The following SPOCK3 variants were observed in gnomAD, a reference collection of about 807,000 sequenced individuals.
The protein encoded by SPOCK3 is SPARC (osteonectin), cwcv and kazal like domains proteoglycan 3.
In SPOCK3, 30 loss-of-function variants were observed where a neutral mutation model predicts 56.6. The observed-to-expected ratio is 0.53, with a 90% confidence interval of 0.40 to 0.72. The LOEUF is 0.72. Among genes scored for constraint, SPOCK3 ranks in the 30% least tolerant of loss-of-function variants. SPOCK3 has a pLI of 0.00. For synonymous variants in SPOCK3, 196 were observed against 183.3 expected (o/e 1.07, Z -0.56); for missense variants, 527 against 530.0 (o/e 0.99, Z 0.06).
intron 4 of SPOCK3, among the ~76,000 whole-genome samples, chr4:166,988,396 A>T (rs1747397811): frequency 2.6e-5 from 4 of 152,138 alleles, no homozygotes. Flanking sequence ...GAAGATAGCA[A>T]TATATACAGC....
At chr4:166,871,645 A>T (rs1047195979) in intron 6 of SPOCK3, among the ~76,000 whole-genome samples, 1 of 151,910 alleles carries the variant, frequency 6.6e-6, no homozygotes, top group Non-Finnish European at 1.5e-5. Flanking sequence ...ACAATTACAA[A>T]TTCTGCACAA....
chr4:167,046,106 T>C (rs898748427), intron 3 of SPOCK3, among the ~76,000 whole-genome samples: 2 of 152,194 alleles, frequency 1.3e-5, no homozygotes, highest in Admixed American at 1.3e-4. Flanking sequence ...TTGTTTTTTT[T>C]ACCCCCTTTC....
At chr4:167,068,643 C>T (rs1273491760) in intron 2 of SPOCK3, among the ~76,000 whole-genome samples, 1 of 151,682 alleles carries the variant, frequency 6.6e-6, no homozygotes, top group African/African-American at 2.4e-5. Flanking sequence ...CTTCTGATGC[C>T]AAATGCATAT....
intron 2 of SPOCK3, among the ~76,000 whole-genome samples, chr4:167,078,941 T>C (rs1395795692): frequency 6.6e-6 from 1 of 151,898 alleles, no homozygotes; most frequent in Non-Finnish European, 1.5e-5. Flanking sequence ...TTGTACTCAA[T>C]ACAGTTCTAT....
intron 2 of SPOCK3, among the ~76,000 whole-genome samples, chr4:167,229,667 A>G (rs1385514): frequency 0.27 from 40,774 of 151,814 alleles, 6,552 homozygotes; most frequent in African/African-American, 0.45. Flanking sequence ...TTCAACACCC[A>G]CAAATCAGAT....
At chr4:167,111,691 G>A (rs949083767) in intron 2 of SPOCK3, among the ~76,000 whole-genome samples, 1 of 151,964 alleles carries the variant, frequency 6.6e-6, no homozygotes, top group Non-Finnish European at 1.5e-5. Context: ...AAAGCATCCT[G>A]TTGCCAGAGT....
At chr4:167,130,128 C>T (rs144894559) in intron 2 of SPOCK3, among the ~76,000 whole-genome samples, 72 of 152,158 alleles carry the variant, frequency 4.7e-4, no homozygotes, top group Non-Finnish European at 9.0e-4. Flanking sequence ...CCGTCTTCCC[C>T]GCTCAGCTTC....
chr4:167,192,539 T>C (rs35107738), intron 2 of SPOCK3, among the ~76,000 whole-genome samples: 4,978 of 145,620 alleles, frequency 0.034, 507 homozygotes, highest in Middle Eastern at 0.086. Flanking sequence ...TAAAAATTTA[T>C]CTATTTTATT....
At chr4:166,749,436 A>G (rs10008435) in intron 8 of SPOCK3, among the ~76,000 whole-genome samples, 2,263 of 151,748 alleles carry the variant, frequency 0.015, 68 homozygotes, top group African/African-American at 0.052. Flanking sequence ...GAATTGAACA[A>G]TGAGAACACT....
chr4:166,808,168 C>G (rs561306857), intron 6 of SPOCK3, among the ~76,000 whole-genome samples: 1 of 151,762 alleles, frequency 6.6e-6, no homozygotes, highest in South Asian at 2.1e-4. Flanking sequence ...TGCAGCTGCC[C>G]CTTTGTTTTT....
chr4:166,960,242 T>C (rs1743995822), intron 4 of SPOCK3, among the ~76,000 whole-genome samples: 1 of 152,144 alleles, frequency 6.6e-6, no homozygotes, highest in African/African-American at 2.4e-5. Context: ...CAGGCTGATA[T>C]GGAGAATGCA....
intron 9 of SPOCK3, 108 bp downstream of exon 9, chr4:166,741,889 A>G: frequency 1.3e-6 from 1 of 791,766 alleles, no homozygotes; most frequent in Non-Finnish European, 2.1e-6. Flanking sequence ...TGTTGCTGAA[A>G]TTTAGTGCAG....
chr4:167,220,508 G>T (rs28403027), intron 2 of SPOCK3, among the ~76,000 whole-genome samples: 2 of 150,434 alleles, frequency 1.3e-5, no homozygotes, highest in Admixed American at 6.7e-5. Flanking sequence ...CTCTTGAATA[G>T]CTGGGACAAT....
chr4:167,128,400 A>G (rs1762455036), intron 2 of SPOCK3, among the ~76,000 whole-genome samples: 1 of 152,150 alleles, frequency 6.6e-6, no homozygotes, highest in African/African-American at 2.4e-5. Flanking sequence ...TCTCCACATG[A>G]ATTTTGGGTA....
intron 7 of SPOCK3, among the ~76,000 whole-genome samples, chr4:166,786,079 A>G (rs1218326705): frequency 3.9e-5 from 6 of 152,150 alleles, no homozygotes; most frequent in Non-Finnish European, 8.8e-5. Context: ...GAAGCAACAT[A>G]AAGAGGAGGT....
chr4:167,119,680 AT>A, intron 2 of SPOCK3: 1 of 705,404 alleles, frequency 1.4e-6, no homozygotes, highest in Non-Finnish European at 2.3e-6. Flanking sequence ...TTTGATGCAT[AT>A]CAGAAAAACA....
At chr4:167,076,313 T>C (rs1757181524) in intron 2 of SPOCK3, among the ~76,000 whole-genome samples, 2 of 151,890 alleles carry the variant, frequency 1.3e-5, no homozygotes, top group Admixed American at 1.3e-4. Context: ...GCTAATGATA[T>C]GTCCAGAAGG....
intron 2 of SPOCK3, among the ~76,000 whole-genome samples, chr4:167,125,710 G>A (rs1291353501): frequency 6.6e-6 from 1 of 151,918 alleles, no homozygotes; most frequent in Non-Finnish European, 1.5e-5. Flanking sequence ...GGGAGACTCC[G>A]TCTCAAAAAA....
At chr4:167,202,135 C>T (rs1278494772) in intron 2 of SPOCK3, among the ~76,000 whole-genome samples, 1 of 151,938 alleles carries the variant, frequency 6.6e-6, no homozygotes, top group Non-Finnish European at 1.5e-5. Context: ...GCTTCACCTA[C>T]TCCAAATATA....
Sources: gnomAD v4.1 joint callset for allele counts (sites outside exome capture counted in the v4.1 genomes callset) on GRCh38, gnomAD v4.1.1 for gene constraint, MANE v1.5 for transcripts, NCBI Gene and HGNC (gene_info 2026-07-23, HGNC 2026-07-21) for gene names.